ATP6V1H: variants seen among roughly 807,000 people sequenced by gnomAD.
The protein encoded by ATP6V1H is V-type proton ATPase subunit H.
ATP6V1H carries 39 observed loss-of-function variants against 71.7 expected under a neutral mutation model. The observed-to-expected ratio is 0.54, with a 90% CI of 0.42 to 0.71. The LOEUF (loss-of-function observed/expected upper bound fraction) is 0.71. Among genes scored for constraint, ATP6V1H ranks in the 30% least tolerant of loss-of-function variants. The pLI is 0.00. For missense variants in ATP6V1H, 509 were observed against 594.9 expected (o/e 0.86, Z 1.50); for synonymous variants, 192 against 199.3 (o/e 0.96, Z 0.31).
At chr8:53,772,856 A>T (rs911888853) in intron 9 of ATP6V1H, among the ~76,000 whole-genome samples, 39 of 150,596 alleles carry the variant, frequency 2.6e-4, no homozygotes, top group South Asian at 6.3e-4. Flanking sequence ...CCTCTGTTTT[A>T]AAAAAAAGCT....
At chr8:53,748,989 A>G (rs867299977) in intron 12 of ATP6V1H, among the ~76,000 whole-genome samples, 1 of 152,248 alleles carries the variant, frequency 6.6e-6, no homozygotes, top group Non-Finnish European at 1.5e-5. Context: ...CAGAACAAAC[A>G]TGATTCTTTT....
intron 13 of ATP6V1H, among the ~76,000 whole-genome samples, chr8:53,742,501 C>A (rs1807449011): frequency 6.6e-6 from 1 of 152,190 alleles, no homozygotes; most frequent in Non-Finnish European, 1.5e-5. Context: ...CTCAGGGAGG[C>A]TTTCTCTAAT....
chr8:53,771,717 G>A (rs1808663163), intron 10 of ATP6V1H, among the ~76,000 whole-genome samples: 1 of 152,194 alleles, frequency 6.6e-6, no homozygotes, highest in African/African-American at 2.4e-5. Context: ...GACTCGAGGA[G>A]CTCCAGGGTG....
chr8:53,728,111 G>A (rs1806882150), intron 13 of ATP6V1H, among the ~76,000 whole-genome samples: 1 of 152,166 alleles, frequency 6.6e-6, no homozygotes, highest in South Asian at 2.1e-4. Flanking sequence ...GCAGGGTGAC[G>A]TCAAACACAA....
At chr8:53,733,018 GC>G (rs1252088003) in intron 13 of ATP6V1H, among the ~76,000 whole-genome samples, 1 of 152,200 alleles carries the variant, frequency 6.6e-6, no homozygotes, top group Admixed American at 6.5e-5. Context: ...ACAAGGACGG[GC>G]ATATGGTAGA....
chr8:53,795,936 C>CAA (rs781186483), intron 8 of ATP6V1H, 97 bp from the exon 9 acceptor site: 23 of 1,067,600 alleles, frequency 2.2e-5, no homozygotes, highest in Non-Finnish European at 3.0e-5. Flanking sequence ...ACAGGTCTCT[C>CAA]TGAATTATGT....
At chr8:53,741,701 G>A (rs1482493307) in intron 13 of ATP6V1H, among the ~76,000 whole-genome samples, 1 of 152,204 alleles carries the variant, frequency 6.6e-6, no homozygotes, top group Non-Finnish European at 1.5e-5. Flanking sequence ...TGACAGACCT[G>A]AAGTTTTTCC....
chr8:53,766,476 A>G (rs1808470833), intron 11 of ATP6V1H, among the ~76,000 whole-genome samples: 1 of 152,250 alleles, frequency 6.6e-6, no homozygotes, highest in Non-Finnish European at 1.5e-5. Context: ...CACCCTGAAA[A>G]AAGAACAGGA....
At chr8:53,727,666 C>T (rs1433470586) in intron 13 of ATP6V1H, among the ~76,000 whole-genome samples, 1 of 152,234 alleles carries the variant, frequency 6.6e-6, no homozygotes, top group African/African-American at 2.4e-5. Context: ...CCACGACTTC[C>T]ACTCTCACTC....
intron 13 of ATP6V1H, among the ~76,000 whole-genome samples, chr8:53,735,549 C>T (rs1475908653): frequency 6.6e-6 from 1 of 152,110 alleles, no homozygotes; most frequent in African/African-American, 2.4e-5. Context: ...AGGTGCACCC[C>T]CACCAAACAA....
At chr8:53,753,663 C>T (rs1173786779) in intron 12 of ATP6V1H, among the ~76,000 whole-genome samples, 1 of 152,140 alleles carries the variant, frequency 6.6e-6, no homozygotes, top group East Asian at 1.9e-4. Flanking sequence ...GCTCTATATA[C>T]CATCTATCCA....
At chr8:53,731,860 C>G (rs577376896) in intron 13 of ATP6V1H, among the ~76,000 whole-genome samples, 1 of 152,256 alleles carries the variant, frequency 6.6e-6, no homozygotes, top group African/African-American at 2.4e-5. Context: ...GCTTGAGCGA[C>G]GCAGATCCTG....
At chr8:53,781,364 C>T (rs866107665) in intron 9 of ATP6V1H, among the ~76,000 whole-genome samples, 73 of 150,416 alleles carry the variant, frequency 4.9e-4, no homozygotes, top group South Asian at 2.1e-4. Flanking sequence ...TGTTCATATC[C>T]TTTGCCCACT....
chr8:53,817,348 G>C, intron 5 of ATP6V1H, 69 bp downstream of exon 5: 2 of 1,071,592 alleles, frequency 1.9e-6, no homozygotes, highest in South Asian at 2.9e-5. Context: ...GACCAGCCTG[G>C]ACAACATAGT....
chr8:53,762,528 T>A (rs1013021823), intron 11 of ATP6V1H, among the ~76,000 whole-genome samples: 2 of 151,858 alleles, frequency 1.3e-5, no homozygotes, highest in African/African-American at 4.8e-5. Flanking sequence ...CCAAGACACC[T>A]TGGAAGAACA....
At chr8:53,806,290 T>C (rs1265744597) in intron 7 of ATP6V1H, among the ~76,000 whole-genome samples, 1 of 152,022 alleles carries the variant, frequency 6.6e-6, no homozygotes, top group Non-Finnish European at 1.5e-5. Flanking sequence ...TGAAATCAAT[T>C]TCTACAAAAC....
chr8:53,747,701 G>A (rs1043352368), intron 12 of ATP6V1H, among the ~76,000 whole-genome samples: 17 of 151,658 alleles, frequency 1.1e-4, no homozygotes, highest in African/African-American at 3.9e-4. Flanking sequence ...CACCATGCCC[G>A]GCTAATTTTT....
intron 9 of ATP6V1H, among the ~76,000 whole-genome samples, chr8:53,786,522 C>T (rs978432639): frequency 3.3e-5 from 5 of 152,200 alleles, no homozygotes; most frequent in African/African-American, 9.6e-5. Context: ...TTGGCTCACG[C>T]ACTGTGCGCT....
intron 13 of ATP6V1H, among the ~76,000 whole-genome samples, chr8:53,741,130 A>G (rs1807399656): frequency 6.6e-6 from 1 of 152,240 alleles, no homozygotes; most frequent in Non-Finnish European, 1.5e-5. Flanking sequence ...CTGTAAAGAC[A>G]GAATACACTT....
Sources: gnomAD v4.1 joint callset for allele counts (sites outside exome capture counted in the v4.1 genomes callset) on GRCh38, gnomAD v4.1.1 for gene constraint, MANE v1.5 for transcripts, NCBI Gene and HGNC (gene_info 2026-07-23, HGNC 2026-07-21) for gene names.